Variants in CASQ2 observed in about 807,000 individuals in gnomAD.
The protein encoded by CASQ2 is calsequestrin-2.
Under a neutral mutation model 46.5 loss-of-function variants are expected in CASQ2, and 49 were observed. The ratio of observed to expected loss-of-function variants is 1.05; its 90% CI spans 0.84 to 1.34. The LOEUF (loss-of-function observed/expected upper bound fraction) is 1.34. Among genes scored for constraint, CASQ2 ranks in the 40% most tolerant of loss-of-function variants. CASQ2 has a pLI of 0.00. For synonymous variants in CASQ2, 174 were observed against 168.5 expected, an observed-to-expected ratio of 1.03 and a Z score of -0.25; for missense variants, 486 against 481.3, an observed-to-expected ratio of 1.01 and a Z score of -0.09.
At chr1:115,732,631 G>A (rs1163457611) in intron 5 of CASQ2, among the ~76,000 whole-genome samples, 1 of 152,270 alleles carries the variant, frequency 6.6e-6, no homozygotes, top group Admixed American at 6.5e-5. Flanking sequence ...GGGCCCACAC[G>A]TTTCCCATCT....
rs1367428230 is a variant in CASQ2, at chr1:115,700,351, G to A, written c.*890C>T. 1 of 152,428 alleles carries A rather than the reference G, an allele frequency of 6.6e-6. No individual in the cohort carries two copies. The highest frequency in any genetic ancestry group is 1.5e-5 in the Non-Finnish European group (1 of 68,042). 9.4% of individuals were successfully genotyped at this position (152,428 alleles called of 1,614,324 possible). A position where few individuals can be genotyped will look rare whatever the true frequency, so the allele number is the denominator to read the frequency against. On this transcript the variant is annotated 3_prime_UTR_variant, in exon 11 of 11. Coordinates refer to ENST00000261448, the MANE Select transcript of CASQ2 (RefSeq NM_001232.4). ...GGATAAAGCAATCTTTAATCTAAAT[G>A]GGAAGGCTCACTAGCAGCTACAGAG...
chr1:115,730,053 G>T (rs1268331307), intron 5 of CASQ2, among the ~76,000 whole-genome samples: 3 of 152,120 alleles, frequency 2.0e-5, no homozygotes, highest in Non-Finnish European at 4.4e-5. Context: ...GAGAGGTTGG[G>T]CCTTCGTGTG....
intron 2 of CASQ2, among the ~76,000 whole-genome samples, chr1:115,741,813 C>A (rs1648193088): frequency 1.3e-5 from 2 of 152,154 alleles, no homozygotes; most frequent in South Asian, 4.1e-4. Flanking sequence ...ACAAAGCTGG[C>A]ATTTAGTCCA....
chr1:115,747,956 A>G (rs923299310), intron 1 of CASQ2, among the ~76,000 whole-genome samples: 12 of 152,156 alleles, frequency 7.9e-5, no homozygotes, highest in Non-Finnish European at 1.8e-4. Flanking sequence ...TACTTACTGC[A>G]CTGGTGAGAA....
intron 8 of CASQ2, among the ~76,000 whole-genome samples, chr1:115,709,822 T>C (rs542385529): frequency 1.4e-4 from 21 of 152,304 alleles, no homozygotes; most frequent in African/African-American, 5.1e-4. Context: ...AATTTCTTCC[T>C]TTATGGACAC....
chr1:115,754,872 T>C (rs1451153467), intron 1 of CASQ2, among the ~76,000 whole-genome samples: 9 of 152,220 alleles, frequency 5.9e-5, no homozygotes, highest in Non-Finnish European at 4.4e-5. Context: ...CAAACCCCAC[T>C]ACACTAAGTC....
rs756069840 is a variant in CASQ2 at position 115,725,373 on chromosome 1, T to C, written c.783+135A>G. 102 of 995,140 alleles carry C rather than the reference T, an allele frequency of 1.0e-4. 1 individual carries two copies. The highest frequency in any genetic ancestry group is 1.4e-4 in the Non-Finnish European group (85 of 625,776). The allele number at this position is 995,140 out of a possible 1,614,324, so 61.6% of individuals were successfully genotyped here. ...TGAGCCGTCGTACCCAATCTGTCCA[T>C]GTTTCAAATACTCATCTAGACATCC... On this transcript the variant is annotated intron_variant, in intron 7 of 10. Transcript: ENST00000261448.
chr1:115,737,646 G>A (rs2101091222), intron 4 of CASQ2, among the ~76,000 whole-genome samples: 1 of 152,334 alleles, frequency 6.6e-6, no homozygotes, highest in South Asian at 2.1e-4. Context: ...ATGGGCTGTA[G>A]TGATGTTATC....
In CASQ2 at chr1:115,740,830, T is replaced by C; in HGVS notation, c.320-2A>G. On this transcript the variant is annotated splice_acceptor_variant, in intron 2 of 10. Transcript: ENST00000261448. LOFTEE classifies it high-confidence loss of function. ...ACAGGCTTCCTTCTTCATCAAAACC[T>C]GTAAGAAACAAAGAGGCCCACAGAG... The C allele has an allele frequency of 6.2e-7, 1 of 1,600,624 alleles. No homozygotes were observed. The highest frequency in any genetic ancestry group is 8.6e-7 in the Non-Finnish European group (1 of 1,167,956).
rs763338229 is a variant in CASQ2, at chr1:115,726,970, C to T, written c.737+22G>A. 7.6e-6 allele frequency: 12 copies of T among 1,578,716 alleles called. No homozygotes were observed. In the Admixed American group the frequency reaches 1.2e-4, roughly 16 times the overall value. ...ATTCCCCAGACCCCAGGCCCCCAGC[C>T]CCCACATGCCATCTCAGGCACCTTT... On this transcript the variant is annotated intron_variant, in intron 6 of 10. Coordinates refer to ENST00000261448, the MANE Select transcript of CASQ2 (RefSeq NM_001232.4).
chr1:115,740,941 G>A, intron 2 of CASQ2, 113 bp from the exon 3 acceptor site: 1 of 736,316 alleles, frequency 1.4e-6, no homozygotes, highest in Non-Finnish European at 2.4e-6. Context: ...AGGATTAGTG[G>A]AACTAGCATT....
At chr1:115,711,198 G>A (rs771750890) in intron 8 of CASQ2, among the ~76,000 whole-genome samples, 11 of 152,206 alleles carry the variant, frequency 7.2e-5, no homozygotes, top group Non-Finnish European at 1.2e-4. Context: ...GGGAAGTTCT[G>A]GGCCTCAGGG....
At chr1:115,747,721 T>C (rs1161000792) in intron 1 of CASQ2, among the ~76,000 whole-genome samples, 1 of 152,348 alleles carries the variant, frequency 6.6e-6, no homozygotes, top group East Asian at 1.9e-4. Flanking sequence ...TCAGTTAAAT[T>C]ATTTCAGCTA....
intron 7 of CASQ2, among the ~76,000 whole-genome samples, chr1:115,723,769 C>T (rs1213019537): frequency 1.3e-5 from 2 of 152,116 alleles, no homozygotes; most frequent in Non-Finnish European, 2.9e-5. Context: ...GAACTCCTGA[C>T]GTCAAGTGAT....
intron 7 of CASQ2, among the ~76,000 whole-genome samples, chr1:115,724,529 G>A (rs1647505665): frequency 6.6e-6 from 1 of 152,202 alleles, no homozygotes. Flanking sequence ...ATAAAAAGAT[G>A]CATGAAATGC....
chr1:115,701,039 C>T lies in CASQ2; in HGVS notation c.*202G>A. 1 of 732,708 alleles carries T rather than the reference C, an allele frequency of 1.4e-6. No individual in the cohort carries two copies. The highest frequency in any genetic ancestry group is 2.4e-6 in the Non-Finnish European group (1 of 419,684). 45.4% of individuals were successfully genotyped at this position (732,708 alleles called of 1,614,324 possible). On this transcript the variant is annotated 3_prime_UTR_variant, in exon 11 of 11. Coordinates refer to ENST00000261448, the MANE Select transcript of CASQ2 (RefSeq NM_001232.4). Reference sequence around the variant, plus strand: ...AACATGGGAATAATTTTTCTCCTGTCCCTGCTAAGTGGGATTGCTGCATTT... The same window carrying T: ...AACATGGGAATAATTTTTCTCCTGTTCCTGCTAAGTGGGATTGCTGCATTT...
At chr1:115,729,444 G>A (rs1223219330) in intron 5 of CASQ2, among the ~76,000 whole-genome samples, 1 of 152,142 alleles carries the variant, frequency 6.6e-6, no homozygotes, top group African/African-American at 2.4e-5. Context: ...TATTCAGTAA[G>A]TATTTAGTGG....
Position 115,767,389 on chromosome 1 carries a change from TTTA to T in CASQ2, c.234+916_234+918del, listed in dbSNP as rs376100867. Among the ~76,000 whole-genome samples the T allele has an allele frequency of 1.2e-3, 180 of 152,274 alleles. 2 individuals are homozygous for T. Among genetic ancestry groups the T allele is most frequent in the African/African-American group, 4.2e-3 (176 of 41,536 alleles). On this transcript the variant is annotated intron_variant, in intron 1 of 10. Coordinates refer to ENST00000261448, the MANE Select transcript of CASQ2 (RefSeq NM_001232.4). ...TGAAAAAATTCAAATCCACATGGGT[TTTA>T]TATGATAATCCTATTAAACTATTTC...
chr1:115,754,828 C>G (rs565907396), intron 1 of CASQ2, among the ~76,000 whole-genome samples: 1 of 152,210 alleles, frequency 6.6e-6, no homozygotes, highest in South Asian at 2.1e-4. Context: ...TATACAAGTA[C>G]GTAGTGAAAG....
Sources: allele counts gnomAD v4.1 joint callset (sites outside exome capture counted in the v4.1 genomes callset), GRCh38; gene constraint gnomAD v4.1.1; transcripts MANE v1.5; gene names NCBI Gene and HGNC (gene_info 2026-07-23, HGNC 2026-07-21).